COL4A2: variants seen among roughly 807,000 people sequenced by gnomAD.
The protein encoded by COL4A2 is collagen alpha-2(IV) chain.
Under a neutral mutation model 200.2 loss-of-function variants are expected in COL4A2, and 99 were observed. That is an observed-to-expected ratio of 0.49 (90% confidence interval 0.42 to 0.58). The LOEUF (loss-of-function observed/expected upper bound fraction) is 0.58. Among genes scored for constraint, COL4A2 ranks in the 20% least tolerant of loss-of-function variants. The pLI is 0.00. For synonymous variants in COL4A2, 897 were observed against 900.6 expected, an observed-to-expected ratio of 1.00 and a Z score of 0.07; for missense variants, 1,950 against 2,314.1, an observed-to-expected ratio of 0.84 and a Z score of 3.23.
At chr13:110,493,060 AACGATGAGTGACACCCCCATGGGTGAAAT>A in intron 38 of COL4A2, 122 bp from the exon 39 acceptor site, 2 of 875,136 alleles carry the variant, frequency 2.3e-6, no homozygotes, top group Non-Finnish European at 1.8e-6. Flanking sequence ...CAGGTGAAAT[AACGATGAGTGACACCCCCATGGGTGAAAT>A]AACGATGAGT....
At chr13:110,357,096 A>G (rs1173148084) in intron 3 of COL4A2, among the ~76,000 whole-genome samples, 1 of 152,122 alleles carries the variant, frequency 6.6e-6, no homozygotes, top group Non-Finnish European at 1.5e-5. Context: ...CCTTGACCAT[A>G]GAACATACAG....
chr13:110,408,332 G>A (rs1322565238), intron 4 of COL4A2, among the ~76,000 whole-genome samples: 2 of 152,196 alleles, frequency 1.3e-5, no homozygotes, highest in Non-Finnish European at 2.9e-5. Context: ...ATGGTTCAAG[G>A]TGTGAATGGG....
chr13:110,321,918 C>T (rs1019019642), intron 3 of COL4A2, among the ~76,000 whole-genome samples: 2 of 152,146 alleles, frequency 1.3e-5, no homozygotes, highest in Non-Finnish European at 2.9e-5. Flanking sequence ...CTGGCCCCAC[C>T]CTTGACATGT....
intron 3 of COL4A2, among the ~76,000 whole-genome samples, chr13:110,353,781 ATGCACGTGCGTGTG>A (rs1445541297): frequency 6.6e-6 from 1 of 152,188 alleles, no homozygotes; most frequent in Non-Finnish European, 1.5e-5. Flanking sequence ...ACATACACAC[ATGCACGTGCGTGTG>A]TGCACGCACG....
chr13:110,420,027 T>G (rs1295888161), intron 4 of COL4A2, among the ~76,000 whole-genome samples: 3 of 152,218 alleles, frequency 2.0e-5, no homozygotes, highest in Non-Finnish European at 4.4e-5. Flanking sequence ...CTCAAACTGT[T>G]ATGTACCAAG....
chr13:110,445,666 G>T (rs1283349332), intron 16 of COL4A2, among the ~76,000 whole-genome samples, 163 bp from the exon 17 acceptor site: 1 of 152,196 alleles, frequency 6.6e-6, no homozygotes, highest in Non-Finnish European at 1.5e-5. Context: ...ACCTTAAAAA[G>T]ACATTTTTGA....
At position 110,409,088 on chromosome 13, in the gene COL4A2, A is replaced by G. The variant is rs963736886; in HGVS notation, c.181-15646A>G. ...CACACACGTACACACATGCACATATATACACACGGACACATACACATAACA... is the reference window on the plus strand; with the variant it reads ...CACACACGTACACACATGCACATATGTACACACGGACACATACACATAACA... On this transcript the variant is annotated intron_variant, in intron 4 of 47. Coordinates refer to ENST00000360467, the MANE Select transcript of COL4A2 (RefSeq NM_001846.4). Among the ~76,000 whole-genome samples, 76 of 124,650 alleles carry G rather than the reference A, an allele frequency of 6.1e-4. 3 individuals are homozygous for G. The highest frequency in any genetic ancestry group is 2.7e-4 in the Non-Finnish European group (16 of 59,860). The allele number at this position is 124,650 out of a possible 152,430, so 81.8% of individuals were successfully genotyped here. A position where few individuals can be genotyped will look rare whatever the true frequency, so the allele number is the denominator to read the frequency against.
chr13:110,483,102 G>T (rs1882990351), intron 32 of COL4A2, among the ~76,000 whole-genome samples: 1 of 152,120 alleles, frequency 6.6e-6, no homozygotes, highest in Non-Finnish European at 1.5e-5. Context: ...ACATGAGGTG[G>T]GTTCAAACCC....
chr13:110,407,970 A>C (rs1052560268), intron 4 of COL4A2, among the ~76,000 whole-genome samples: 1 of 152,228 alleles, frequency 6.6e-6, no homozygotes, highest in African/African-American at 2.4e-5. Flanking sequence ...TGCTGAGTTT[A>C]AAGTATCTCT....
chr13:110,402,965 A>G (rs1459199711), intron 4 of COL4A2, among the ~76,000 whole-genome samples: 3 of 152,198 alleles, frequency 2.0e-5, no homozygotes, highest in African/African-American at 7.2e-5. Flanking sequence ...CACTGGAGCC[A>G]CAGCTGGGGC....
Position 110,439,934 on chromosome 13 carries a change from G to GA in COL4A2, c.957+108dup, listed in dbSNP as rs1881058532. On this transcript the variant is annotated intron_variant, in intron 16 of 47. Transcript: ENST00000360467. The stretch of plus-strand genomic sequence containing the variant: ...ATCTCAGGAAAGAAAATTGTCTCCA[G>GA]AAAAAAACATTGAAAATGGTTCTTG... 4.0e-6 allele frequency: 6 copies of GA among 1,499,262 alleles called. No individual in the cohort carries two copies. The South Asian group carries it at 6.5e-5, about 16-fold the overall frequency. 92.9% of individuals were successfully genotyped at this position (1,499,262 alleles called of 1,614,324 possible). A position where few individuals can be genotyped will look rare whatever the true frequency, so the allele number is the denominator to read the frequency against.
chr13:110,436,430 C>A, intron 13 of COL4A2, 63 bp downstream of exon 13: 5 of 1,562,240 alleles, frequency 3.2e-6, no homozygotes, highest in Non-Finnish European at 4.4e-6. Flanking sequence ...AAGTACATTT[C>A]TTCAATTGTA....
At chr13:110,485,049 C>A in intron 33 of COL4A2, 22 bp downstream of exon 33, 1 of 1,561,426 alleles carries the variant, frequency 6.4e-7, no homozygotes, top group Non-Finnish European at 8.7e-7. Context: ...GACCTGCAGC[C>A]AGGGGCCCCT....
At chr13:110,438,738 G>A (rs1007468795) in intron 15 of COL4A2, 70 bp downstream of exon 15, 7 of 1,602,476 alleles carry the variant, frequency 4.4e-6, no homozygotes, top group Non-Finnish European at 6.0e-6. Context: ...TTCCTTTTTA[G>A]AGCTGTTTCA....
chr13:110,504,303 G>T (rs1000689387), intron 45 of COL4A2, 39 bp downstream of exon 45: 4 of 1,517,148 alleles, frequency 2.6e-6, no homozygotes, highest in Middle Eastern at 1.7e-4. Flanking sequence ...AGGTCCTAGT[G>T]CTCTGGATCT....
chr13:110,438,447 G>T, intron 14 of COL4A2, 171 bp from the exon 15 acceptor site: 1 of 858,292 alleles, frequency 1.2e-6, no homozygotes, highest in Non-Finnish European at 2.0e-6. Context: ...AAGGCTGGCG[G>T]GTCTCCTAGG....
In COL4A2 at chr13:110,439,765, G is replaced by C. The variant is rs754979103; in HGVS notation, c.913-24G>C. 59 of 1,613,662 alleles carry C rather than the reference G, an allele frequency of 3.7e-5. No individual in the cohort carries two copies. In the Middle Eastern group the frequency reaches 4.9e-4, roughly 13 times the overall value. On this transcript the variant is annotated intron_variant, in intron 15 of 47. Coordinates refer to ENST00000360467, the MANE Select transcript of COL4A2 (RefSeq NM_001846.4). ...GTCTACTGCATATTCTGAGCTGTTTGCTTCTGTTTTTTGTTCATTCCAGGG... is the reference window on the plus strand; with the variant it reads ...GTCTACTGCATATTCTGAGCTGTTTCCTTCTGTTTTTTGTTCATTCCAGGG...
chr13:110,316,621 G>A (rs999056498), intron 3 of COL4A2, among the ~76,000 whole-genome samples: 2 of 152,174 alleles, frequency 1.3e-5, no homozygotes, highest in Non-Finnish European at 2.9e-5. Flanking sequence ...TCTCGGAGCA[G>A]CTAAAACACC....
chr13:110,414,407 T>A (rs1284628446), intron 4 of COL4A2, among the ~76,000 whole-genome samples: 1 of 152,224 alleles, frequency 6.6e-6, no homozygotes, highest in Non-Finnish European at 1.5e-5. Flanking sequence ...ACCAGAAAAT[T>A]CACAAGGTCT....
Sources: allele counts gnomAD v4.1 joint callset (sites outside exome capture counted in the v4.1 genomes callset), GRCh38; gene constraint gnomAD v4.1.1; transcripts MANE v1.5; gene names NCBI Gene and HGNC (gene_info 2026-07-23, HGNC 2026-07-21).